The following CCDC24 variants were observed in gnomAD, a reference collection of about 807,000 sequenced individuals.
The protein encoded by CCDC24 is coiled-coil domain-containing protein 24.
In CCDC24, 34 loss-of-function variants were observed where a neutral mutation model predicts 31.6. That is an observed-to-expected ratio of 1.08 (90% CI 0.82 to 1.43). The LOEUF (loss-of-function observed/expected upper bound fraction) is 1.43. Ranked by LOEUF, CCDC24 falls within the 40% of genes most tolerant of loss-of-function variation. CCDC24 has a pLI of 0.00. For missense variants in CCDC24, 426 were observed against 391.1 expected (o/e 1.09, Z -0.75); for synonymous variants, 175 against 157.3 (o/e 1.11, Z -0.84).
In CCDC24 at chr1:43,995,523, C is replaced by G; in HGVS notation, c.553-78C>G. ...GCTGAAGGGGCTGCACGGGCCTGCCCTGGGGATCTTGGCCTCTGTATCCTG... is the reference window on the plus strand; with the variant it reads ...GCTGAAGGGGCTGCACGGGCCTGCCGTGGGGATCTTGGCCTCTGTATCCTG... On this transcript the variant is annotated intron_variant, in intron 6 of 8. Coordinates refer to ENST00000372318, the MANE Select transcript of CCDC24 (RefSeq NM_152499.4). The surrounding 1 kb of genome is among the most constrained non-coding windows in gnomAD (Gnocchi z 4.3). 6.9e-7 allele frequency: 1 copy of G among 1,442,604 alleles called. No homozygotes were observed. Among genetic ancestry groups the G allele is most frequent in the East Asian group, 2.5e-5 (1 of 40,410 alleles). The allele number at this position is 1,442,604 out of a possible 1,614,324, so 89.4% of individuals were successfully genotyped here. A position where few individuals can be genotyped will look rare whatever the true frequency, so the allele number is the denominator to read the frequency against.
Position 43,992,535 on chromosome 1 carries a change from A to T in CCDC24, c.315A>T (p.Gln105His). ...KAICEGRDQA[Q>H]AWVQYSPRVL... ...GCACCTTCTGCAGGGACCAGGCCCA[A>T]GCTTGGGTCCAGTATAGCCCCAGGG... Residue 105 changes from glutamine to histidine, a missense_variant, in exon 4 of 9, where the codon CAA becomes CAT. Transcript: ENST00000372318. The T allele has an allele frequency of 6.2e-7, 1 of 1,614,118 alleles. No homozygotes were observed. Among genetic ancestry groups the T allele is most frequent in the Non-Finnish European group, 8.5e-7 (1 of 1,180,046 alleles).
chr1:43,995,580 C>G lies in CCDC24; in HGVS notation c.553-21C>G, dbSNP rs776162111. 6.3e-7 allele frequency: 1 copy of G among 1,590,068 alleles called. No individual in the cohort carries two copies. Among genetic ancestry groups the G allele is most frequent in the South Asian group, 1.1e-5 (1 of 88,008 alleles). ...CCCACCCCTGCCTTGAGTCTGGGCACTGACGCAGCTCTCCCTGCAGCGCTG... is the reference window on the plus strand; with the variant it reads ...CCCACCCCTGCCTTGAGTCTGGGCAGTGACGCAGCTCTCCCTGCAGCGCTG... On this transcript the variant is annotated intron_variant, in intron 6 of 8. Transcript: ENST00000372318. The surrounding 1 kb of genome is among the most constrained non-coding windows in gnomAD (Gnocchi z 4.3).
chr1:43,996,278 C>T lies in CCDC24; in HGVS notation c.*118C>T. The T allele has an allele frequency of 1.0e-6, 1 of 961,094 alleles. No individual in the cohort carries two copies. Among genetic ancestry groups the T allele is most frequent in the Non-Finnish European group, 1.5e-6 (1 of 664,110 alleles). 59.5% of individuals were successfully genotyped at this position (961,094 alleles called of 1,614,324 possible). A position where few individuals can be genotyped will look rare whatever the true frequency, so the allele number is the denominator to read the frequency against. On this transcript the variant is annotated 3_prime_UTR_variant, in exon 9 of 9. Coordinates refer to ENST00000372318, the MANE Select transcript of CCDC24 (RefSeq NM_152499.4). Reference sequence around the variant, plus strand: ...TGGTCTTGGCGAGCTCTCGCCAGGACCCCAAGGCTGTTGGTCTGTCTGGCC... The same window carrying T: ...TGGTCTTGGCGAGCTCTCGCCAGGATCCCAAGGCTGTTGGTCTGTCTGGCC...
chr1:43,993,183 G>A (rs2085775692), intron 4 of CCDC24, among the ~76,000 whole-genome samples: 1 of 152,164 alleles, frequency 6.6e-6, no homozygotes, highest in African/African-American at 2.4e-5. Context: ...GCTCATGCCT[G>A]TAATCCCAGC....
rs759370124 is a variant in CCDC24, at chr1:43,993,507, C to T, written c.420-380C>T. Among the ~76,000 whole-genome samples the T allele has an allele frequency of 4.7e-4, 72 of 151,592 alleles. 1 individual carries two copies. Among genetic ancestry groups the T allele is most frequent in the African/African-American group, 2.4e-4 (10 of 41,232 alleles). On this transcript the variant is annotated intron_variant, in intron 4 of 8. Transcript: ENST00000372318. ...CATCTGTGCAAAAAAATTGAACAGG[C>T]GTGGTGGCACGCACCTGTAGTCCCA...
intron 1 of CCDC24, 38 bp from the exon 2 acceptor site, chr1:43,991,809 C>T (rs1199635784): frequency 2.6e-6 from 4 of 1,533,706 alleles, no homozygotes; most frequent in South Asian, 1.2e-5. Context: ...TGCCGGCGGG[C>T]CCGCGGTACC....
At position 43,992,632 on chromosome 1, in the gene CCDC24, G is replaced by A; in HGVS notation, c.412G>A (p.Gly138Arg). Residue 138 changes from glycine (G) to arginine (R), a missense_variant, in exon 4 of 9, where the codon GGG becomes AGG. Transcript: ENST00000372318. ...EQEIFQMRGG[G>R]PSSGHRDLSI... is the part of the protein sequence containing the mutation. ...GGAGATATTCCAGATGAGAGGTGGTGGGCCCAGGTAAGGTGATGGTAGGAG... is the reference window on the plus strand; with the variant it reads ...GGAGATATTCCAGATGAGAGGTGGTAGGCCCAGGTAAGGTGATGGTAGGAG... The A allele has an allele frequency of 6.2e-7, 1 of 1,614,096 alleles. No homozygotes were observed. The highest frequency in any genetic ancestry group is 8.5e-7 in the Non-Finnish European group (1 of 1,179,952).
chr1:43,996,441 A>C lies in CCDC24; in HGVS notation c.*281A>C. ...CAGACAGAGGTCTCATTCCAGCCTG[A>C]CTCTTGTCCCCTGGGGGACCCAGAC... On this transcript the variant is annotated 3_prime_UTR_variant, in exon 9 of 9. Coordinates refer to ENST00000372318, the MANE Select transcript of CCDC24 (RefSeq NM_152499.4). The C allele has an allele frequency of 7.4e-6, 3 of 405,990 alleles. No homozygotes were observed. The highest frequency in any genetic ancestry group is 4.2e-5 in the Admixed American group (1 of 24,010). The allele number at this position is 405,990 out of a possible 1,614,324, so 25.1% of individuals were successfully genotyped here.
Position 43,995,286 on chromosome 1 carries a change from A to G in CCDC24, c.552+124A>G. 2 of 1,014,226 alleles carry G rather than the reference A, an allele frequency of 2.0e-6. No individual in the cohort carries two copies. The highest frequency in any genetic ancestry group is 2.9e-5 in the South Asian group (2 of 69,314). The allele number at this position is 1,014,226 out of a possible 1,614,324, so 62.8% of individuals were successfully genotyped here. ...TACAGGCTATGTGAGTCCTGCATCC[A>G]TTTCTCAGGGGTGCATGCTTGTGTG... On this transcript the variant is annotated intron_variant, in intron 6 of 8. Coordinates refer to ENST00000372318, the MANE Select transcript of CCDC24 (RefSeq NM_152499.4). The surrounding 1 kb of genome is among the most constrained non-coding windows in gnomAD (Gnocchi z 4.3).
rs2085836279 is a variant in CCDC24 at position 43,995,803 on chromosome 1, G to A, written c.648G>A (p.Met216Ile). ...LAELKEQKKAMEQELQASVGP... is the reference protein window; with the variant it reads ...LAELKEQKKAIEQELQASVGP... ...AGCTAAAGGAACAGAAGAAGGCCAT[G>A]GAGCAGGAGCTGCAGGCATCTGTGG... Residue 216 changes from methionine (M) to isoleucine (I), a missense_variant, in exon 8 of 9, where the codon ATG becomes ATA. Met to Ile is a conservative substitution (Grantham distance 10, BLOSUM62 1). Transcript: ENST00000372318. This position sits in a 1 kb window ranked among gnomAD's most constrained non-coding sequence, Gnocchi z 4.3. 1 of 1,614,242 alleles carries A rather than the reference G, an allele frequency of 6.2e-7. No homozygotes were observed. The highest frequency in any genetic ancestry group is 8.5e-7 in the Non-Finnish European group (1 of 1,180,038).
intron 5 of CCDC24, 114 bp downstream of exon 5, chr1:43,994,078 T>C: frequency 9.8e-6 from 9 of 921,512 alleles, no homozygotes; most frequent in Non-Finnish European, 1.2e-5. Context: ...GGGAGGCCCA[T>C]GTGCGTAAGG....
rs1234717031 is a variant in CCDC24 at position 43,993,803 on chromosome 1, G to C, written c.420-84G>C. 7 of 1,322,900 alleles carry C rather than the reference G, an allele frequency of 5.3e-6. 1 individual carries two copies. In the South Asian group the frequency reaches 8.4e-5, roughly 16 times the overall value. 81.9% of individuals were successfully genotyped at this position (1,322,900 alleles called of 1,614,324 possible). On this transcript the variant is annotated intron_variant, in intron 4 of 8. Transcript: ENST00000372318. ...ATATTATATTGCCTTTGTGAGAAAA[G>C]AAACAGTTGCCTAGAAGTGATATTT... is the stretch of plus-strand genomic sequence containing the variant.
chr1:43,991,654 C>G lies in CCDC24; in HGVS notation c.-125C>G, dbSNP rs1310087833. 6 of 717,516 alleles carry G rather than the reference C, an allele frequency of 8.4e-6. No homozygotes were observed. In the Admixed American group the frequency reaches 1.0e-4, roughly 12 times the overall value. The allele number at this position is 717,516 out of a possible 1,614,324, so 44.4% of individuals were successfully genotyped here. On this transcript the variant is annotated 5_prime_UTR_variant, in exon 1 of 9. Coordinates refer to ENST00000372318, the MANE Select transcript of CCDC24 (RefSeq NM_152499.4). ...GCCTGGTTTCTGGGCCCCCGGCATC[C>G]GAGTCGGCCAAAAGCCGGGCAGAAG...
intron 5 of CCDC24, chr1:43,994,243 C>T (rs1187362516): frequency 1.2e-5 from 5 of 418,282 alleles, no homozygotes; most frequent in Admixed American, 3.6e-5. Flanking sequence ...CCCAGGAATT[C>T]GAAACCAGCT....
Position 43,995,229 on chromosome 1 carries a change from C to G in CCDC24, c.552+67C>G. 22 of 1,423,280 alleles carry G rather than the reference C, an allele frequency of 1.5e-5. No homozygotes were observed. Among genetic ancestry groups the G allele is most frequent in the Non-Finnish European group, 2.0e-5 (21 of 1,038,592 alleles). 88.2% of individuals were successfully genotyped at this position (1,423,280 alleles called of 1,614,324 possible). ...AGCGTAGACTCTCACCTGGGTGAGACCCATGTACCTGTGTGCATACATAGG... is the reference window on the plus strand; with the variant it reads ...AGCGTAGACTCTCACCTGGGTGAGAGCCATGTACCTGTGTGCATACATAGG... On this transcript the variant is annotated intron_variant, in intron 6 of 8. Coordinates refer to ENST00000372318, the MANE Select transcript of CCDC24 (RefSeq NM_152499.4). This position sits in a 1 kb window ranked among gnomAD's most constrained non-coding sequence, Gnocchi z 4.3.
Position 43,995,436 on chromosome 1 carries a change from A to C in CCDC24, c.553-165A>C. On this transcript the variant is annotated intron_variant, in intron 6 of 8. Coordinates refer to ENST00000372318, the MANE Select transcript of CCDC24 (RefSeq NM_152499.4). The surrounding 1 kb of genome is among the most constrained non-coding windows in gnomAD (Gnocchi z 4.3). ...TACAGGCCCCACCACTATCTTGCCA[A>C]ACTCAGCTCTTCCGCAAGGCTGGTA... The C allele has an allele frequency of 1.2e-6, 1 of 809,838 alleles. No individual in the cohort carries two copies. Among genetic ancestry groups the C allele is most frequent in the Middle Eastern group, 3.8e-4 (1 of 2,654 alleles). 50.2% of individuals were successfully genotyped at this position (809,838 alleles called of 1,614,324 possible).
Position 43,995,817 on chromosome 1 carries a change from A to G in CCDC24, c.662A>G (p.Gln221Arg), listed in dbSNP as rs752710636. The G allele has an allele frequency of 3.1e-6, 5 of 1,614,226 alleles. No homozygotes were observed. In the East Asian group the frequency reaches 1.1e-4, roughly 36 times the overall value. Residue 221 changes from glutamine (Q) to arginine (R), a missense_variant, in exon 8 of 9, where the codon CAG (glutamine) becomes CGG (arginine). Physicochemically the swap from Gln to Arg is conservative, Grantham distance 43. Coordinates refer to ENST00000372318, the MANE Select transcript of CCDC24 (RefSeq NM_152499.4). This position sits in a 1 kb window ranked among gnomAD's most constrained non-coding sequence, Gnocchi z 4.3. Reference protein sequence around the residue: ...EQKKAMEQELQASVGPSCVSP... With the variant: ...EQKKAMEQELRASVGPSCVSP... The stretch of plus-strand genomic sequence containing the variant: ...AAGAAGGCCATGGAGCAGGAGCTGC[A>G]GGCATCTGTGGGGCCTTCTTGTGTC...
At chr1:43,993,646 C>CAAAAAAA (rs57838666) in intron 4 of CCDC24, among the ~76,000 whole-genome samples, 1 of 62,500 alleles carries the variant, frequency 1.6e-5, no homozygotes. Context: ...AATCTTGTCT[C>CAAAAAAA]AAAAAAAAAA....
intron 5 of CCDC24, 109 bp downstream of exon 5, chr1:43,994,073 G>A: frequency 1.0e-6 from 1 of 958,424 alleles, no homozygotes; most frequent in Non-Finnish European, 1.6e-6. Flanking sequence ...TGGCGGGGAG[G>A]CCCATGTGCG....
Sources: allele counts gnomAD v4.1 joint callset (sites outside exome capture counted in the v4.1 genomes callset), GRCh38; gene constraint gnomAD v4.1.1; non-coding constraint Gnocchi (gnomAD v3.1); transcripts MANE v1.5; gene names NCBI Gene and HGNC (gene_info 2026-07-23, HGNC 2026-07-21).